Variants in ANKRD44 observed in about 807,000 individuals in gnomAD.
ANKRD44 encodes ankyrin repeat domain 44.
In ANKRD44, 35 loss-of-function variants were observed where a neutral mutation model predicts 116.0. The ratio of observed to expected loss-of-function variants is 0.30; its 90% confidence interval spans 0.23 to 0.40. The LOEUF (loss-of-function observed/expected upper bound fraction) is 0.40, where lower values mean the gene tolerates loss of function less well. ANKRD44 is among the 10% of genes least tolerant of loss of function. The pLI is 1.00. For synonymous variants in ANKRD44, 435 were observed against 461.8 expected, an observed-to-expected ratio of 0.94 and a Z score of 0.74; for missense variants, 1,014 against 1,242.6, an observed-to-expected ratio of 0.82 and a Z score of 2.77.
At chr2:197,014,014 T>C (rs1199923920) in intron 17 of ANKRD44, among the ~76,000 whole-genome samples, 2 of 152,232 alleles carry the variant, frequency 1.3e-5, no homozygotes, top group Non-Finnish European at 2.9e-5. Flanking sequence ...GATCTAATCA[T>C]CTAATATAAA....
In ANKRD44 at chr2:197,121,401, A is replaced by T; in HGVS notation, c.837T>A (p.Ala279=). 1 of 1,614,242 alleles carries T rather than the reference A, an allele frequency of 6.2e-7. No individual in the cohort carries two copies. Among genetic ancestry groups the T allele is most frequent in the Non-Finnish European group, 8.5e-7 (1 of 1,180,042 alleles). ...NNNGFTPLHF[A]AASTHGALCL... Reference sequence around the variant, plus strand: ...ACAAAGCACCATGAGTGGAGGCAGCAGCAAAATGCAAAGGGGTGAACCCAT... The same window carrying T: ...ACAAAGCACCATGAGTGGAGGCAGCTGCAAAATGCAAAGGGGTGAACCCAT... The change falls in exon 8 of 28, where the codon GCT becomes GCA. Residue 279 remains alanine, a synonymous_variant. Coordinates refer to ENST00000282272, the MANE Select transcript of ANKRD44 (RefSeq NM_001195144.2).
chr2:197,236,059 G>A (rs932068539), intron 1 of ANKRD44, among the ~76,000 whole-genome samples: 5 of 152,062 alleles, frequency 3.3e-5, no homozygotes, highest in Admixed American at 6.6e-5. Context: ...AGAGGAAATC[G>A]TGCTCCAAGA....
At chr2:197,100,882 C>A (rs1252378355) in intron 9 of ANKRD44, among the ~76,000 whole-genome samples, 1 of 151,722 alleles carries the variant, frequency 6.6e-6, no homozygotes, top group Non-Finnish European at 1.5e-5. Flanking sequence ...TTCTTTTTTT[C>A]TCTCCCTTTT....
Position 197,021,619 on chromosome 2 carries a change from T to C in ANKRD44, c.1722+3577A>G, listed in dbSNP as rs562788062. On this transcript the variant is annotated intron_variant, in intron 17 of 27. Transcript: ENST00000282272. ...TCTTCTTTTGAAAAGTGTCTGTTCA[T>C]ATCCTTTGCCCACTTTTAGATGGGG... Among the ~76,000 whole-genome samples, 18 of 152,350 alleles carry C rather than the reference T, an allele frequency of 1.2e-4. 1 individual carries two copies. The Middle Eastern group carries it at 0.02, about 173-fold the overall frequency.
intron 16 of ANKRD44, among the ~76,000 whole-genome samples, chr2:197,051,743 G>C (rs1376496304): frequency 6.6e-6 from 1 of 151,998 alleles, no homozygotes; most frequent in Non-Finnish European, 1.5e-5. Flanking sequence ...ATTCTCTAGG[G>C]CAGAGATTCT....
At chr2:197,257,697 C>T (rs1043933962) in intron 1 of ANKRD44, among the ~76,000 whole-genome samples, 1 of 152,080 alleles carries the variant, frequency 6.6e-6, no homozygotes, top group African/African-American at 2.4e-5. Flanking sequence ...TCATGTACCC[C>T]ACAAATATAT....
intron 20 of ANKRD44, among the ~76,000 whole-genome samples, chr2:197,006,472 T>C (rs1284158487): frequency 6.6e-6 from 1 of 152,054 alleles, no homozygotes; most frequent in African/African-American, 2.4e-5. Flanking sequence ...GATATCATGA[T>C]GCAGCAGTAA....
At chr2:197,265,917 G>A (rs1229647623) in intron 1 of ANKRD44, among the ~76,000 whole-genome samples, 4 of 151,998 alleles carry the variant, frequency 2.6e-5, no homozygotes, top group Admixed American at 1.3e-4. Context: ...AATTGAAATC[G>A]AGTAGTAAAA....
intron 17 of ANKRD44, among the ~76,000 whole-genome samples, chr2:197,020,783 T>A (rs1040030873): frequency 2.6e-5 from 4 of 151,086 alleles, no homozygotes; most frequent in Admixed American, 1.3e-4. Context: ...TCTTTTTTTT[T>A]ATAATTATAT....
intron 1 of ANKRD44, chr2:197,198,168 T>A (rs2081003359): frequency 6.6e-6 from 1 of 152,260 alleles, no homozygotes; most frequent in South Asian, 2.1e-4. Context: ...GGGAACAGTT[T>A]CATTTGGCTG....
intron 1 of ANKRD44, among the ~76,000 whole-genome samples, chr2:197,293,408 G>T (rs780659725): frequency 6.6e-5 from 10 of 152,140 alleles, no homozygotes; most frequent in Non-Finnish European, 1.5e-4. Flanking sequence ...GGCTAAAAAT[G>T]GACTGAAACC....
rs1421067262 is a variant in ANKRD44, at chr2:197,201,922, A to G, written c.28-14816T>C. On this transcript the variant is annotated intron_variant, in intron 1 of 27. Coordinates refer to ENST00000282272, the MANE Select transcript of ANKRD44 (RefSeq NM_001195144.2). This position sits in a 1 kb window ranked among gnomAD's most constrained non-coding sequence, Gnocchi z 4.0. ...TCAGCTCCCACTTGTAAGAACATTC[A>G]TAGCCACTGTTACCTCATCACCATG... Among the ~76,000 whole-genome samples, 2 of 152,236 alleles carry G rather than the reference A, an allele frequency of 1.3e-5. No homozygotes were observed. Among genetic ancestry groups the G allele is most frequent in the African/African-American group, 2.4e-5 (1 of 41,462 alleles).
intron 21 of ANKRD44, among the ~76,000 whole-genome samples, chr2:196,979,382 C>CA (rs778459937): frequency 0.15 from 5,875 of 39,868 alleles, 587 homozygotes; most frequent in African/African-American, 0.24. Flanking sequence ...GACTCCGTCT[C>CA]AAAAAAAAAA....
chr2:197,178,340 A>G (rs1032812201), intron 2 of ANKRD44, among the ~76,000 whole-genome samples: 2 of 152,090 alleles, frequency 1.3e-5, no homozygotes, highest in Admixed American at 6.6e-5. Flanking sequence ...GCATGGTGGC[A>G]CACTCCTGTA....
intron 21 of ANKRD44, among the ~76,000 whole-genome samples, chr2:196,968,956 G>A (rs6733360): frequency 0.12 from 17,746 of 152,170 alleles, 1,291 homozygotes; most frequent in African/African-American, 0.2. Context: ...GGAAATGTTG[G>A]TTAATACTGA....
chr2:197,141,838 T>G (rs547058135), intron 3 of ANKRD44, among the ~76,000 whole-genome samples: 1 of 152,218 alleles, frequency 6.6e-6, no homozygotes, highest in African/African-American at 2.4e-5. Flanking sequence ...ATCCTCTTCC[T>G]CTGAACACTT....
At chr2:197,084,812 T>C (rs1195125998) in intron 13 of ANKRD44, among the ~76,000 whole-genome samples, 1 of 152,170 alleles carries the variant, frequency 6.6e-6, no homozygotes, top group Non-Finnish European at 1.5e-5. Context: ...TTAATTAGAC[T>C]GAAAATTATC....
intron 2 of ANKRD44, among the ~76,000 whole-genome samples, chr2:197,182,292 A>C (rs1039720754): frequency 5.3e-5 from 8 of 152,186 alleles, no homozygotes; most frequent in African/African-American, 1.9e-4. Flanking sequence ...GCCATTAACC[A>C]CAGAAACCAT....
intron 2 of ANKRD44, chr2:197,147,898 TAAG>T (rs2079546354): frequency 2.2e-6 from 1 of 455,668 alleles, no homozygotes; most frequent in Admixed American, 2.4e-5. Flanking sequence ...GTTTTATAGA[TAAG>T]AAGACTGTAG....
Sources: allele counts gnomAD v4.1 joint callset (sites outside exome capture counted in the v4.1 genomes callset), GRCh38; gene constraint gnomAD v4.1.1; non-coding constraint Gnocchi (gnomAD v3.1); transcripts MANE v1.5; gene names NCBI Gene and HGNC (gene_info 2026-07-23, HGNC 2026-07-21).